NKAIN3: variants seen among roughly 807,000 people sequenced by gnomAD.
The protein encoded by NKAIN3 is sodium/potassium transporting ATPase interacting 3.
Under a neutral mutation model 30.2 loss-of-function variants are expected in NKAIN3, and 25 were observed. That is an observed-to-expected ratio of 0.83 (90% CI 0.60 to 1.16). The LOEUF (loss-of-function observed/expected upper bound fraction) is 1.16. NKAIN3 is among the 50% of genes most tolerant of loss of function. The probability of loss-of-function intolerance (pLI) is 0.00; values close to 1 mark genes in which losing one functional copy is unlikely to be tolerated. For synonymous variants in NKAIN3, 91 were observed against 89.6 expected, an observed-to-expected ratio of 1.02 and a Z score of -0.09; for missense variants, 225 against 254.1, an observed-to-expected ratio of 0.89 and a Z score of 0.78.
At chr8:62,353,032 G>T (rs1258977919) in intron 1 of NKAIN3, among the ~76,000 whole-genome samples, 1 of 152,128 alleles carries the variant, frequency 6.6e-6, no homozygotes, top group African/African-American at 2.4e-5. Flanking sequence ...CCAACAGTCT[G>T]CACTCCCAGA....
intron 1 of NKAIN3, among the ~76,000 whole-genome samples, chr8:62,519,339 A>C (rs28645735): frequency 0.033 from 5,006 of 152,222 alleles, 234 homozygotes; most frequent in African/African-American, 0.11. Context: ...CTGTTTATAC[A>C]GGCCAAATTC....
chr8:62,996,623 T>C (rs550601697), intron 5 of NKAIN3, among the ~76,000 whole-genome samples: 1 of 152,312 alleles, frequency 6.6e-6, no homozygotes, highest in East Asian at 1.9e-4. Context: ...CCCTTCCACC[T>C]ATGAGCCTGT....
intron 3 of NKAIN3, among the ~76,000 whole-genome samples, chr8:62,617,457 A>G (rs117174282): frequency 0.015 from 2,337 of 152,280 alleles, 39 homozygotes; most frequent in Non-Finnish European, 0.024. Flanking sequence ...ATAAAGTTAA[A>G]CCAGAATGAG....
At chr8:62,945,401 T>G (rs1002905) in intron 5 of NKAIN3, among the ~76,000 whole-genome samples, 21,282 of 152,180 alleles carry the variant, frequency 0.14, 1,902 homozygotes, top group East Asian at 0.27. Context: ...CAGCTACCTT[T>G]TTATTAGTAG....
At chr8:62,986,490 C>T (rs377672831), downstream of NKAIN3, among the ~76,000 whole-genome samples, 3 of 152,160 alleles carry the variant, frequency 2.0e-5, no homozygotes, top group East Asian at 5.8e-4. Context: ...GTCTCTTATT[C>T]AGCCTCTCAA....
At chr8:62,456,374 C>T (rs1337097470) in intron 1 of NKAIN3, among the ~76,000 whole-genome samples, 1 of 152,042 alleles carries the variant, frequency 6.6e-6, no homozygotes. Flanking sequence ...CAAAAATTAG[C>T]CAGGCGTGGT....
intron 1 of NKAIN3, among the ~76,000 whole-genome samples, chr8:62,345,599 A>G (rs1184161650): frequency 0.014 from 1,983 of 141,800 alleles, 214 homozygotes; most frequent in African/African-American, 0.055. Context: ...ACACATATAT[A>G]CACATATATG....
At position 62,968,613 on chromosome 8, in the gene NKAIN3, C is replaced by T. The variant is rs72656557; in HGVS notation, c.*3206C>T. Reference sequence around the variant, plus strand: ...GGCCCTGGCAAAACTGAAGATAGGACATCCACTGCTCTTTAGCTTCTAGTG... The same window carrying T: ...GGCCCTGGCAAAACTGAAGATAGGATATCCACTGCTCTTTAGCTTCTAGTG... On this transcript the variant is annotated 3_prime_UTR_variant, in exon 7 of 7. Transcript: ENST00000623646. 3.1e-3 allele frequency among the ~76,000 whole-genome samples: 471 copies of T among 152,310 alleles called. 3 individuals carry two copies. Among genetic ancestry groups the T allele is most frequent in the African/African-American group, 9.0e-3 (375 of 41,562 alleles).
At chr8:62,279,006 G>T (rs1025270541) in intron 1 of NKAIN3, among the ~76,000 whole-genome samples, 6 of 152,250 alleles carry the variant, frequency 3.9e-5, no homozygotes, top group East Asian at 3.9e-4. Context: ...CAGTGTAAAA[G>T]CTTTCCTATT....
At chr8:62,568,721 C>T (rs1809831535) in intron 1 of NKAIN3, among the ~76,000 whole-genome samples, 1 of 152,140 alleles carries the variant, frequency 6.6e-6, no homozygotes, top group Non-Finnish European at 1.5e-5. Flanking sequence ...TTTCTGAGAT[C>T]CCATATTGTT....
intron 1 of NKAIN3, among the ~76,000 whole-genome samples, chr8:62,425,262 G>T (rs1389862023): frequency 6.6e-6 from 1 of 151,802 alleles, no homozygotes; most frequent in Admixed American, 6.6e-5. Flanking sequence ...TTTGTTGAGG[G>T]TATGTCTCAT....
At chr8:62,964,922 G>A (rs1368244983) in intron 6 of NKAIN3, among the ~76,000 whole-genome samples, 3 of 152,182 alleles carry the variant, frequency 2.0e-5, no homozygotes, top group African/African-American at 7.2e-5. Flanking sequence ...GATGGGATGT[G>A]TGTAAGGAAC....
chr8:62,347,482 G>A (rs760130198), intron 1 of NKAIN3, among the ~76,000 whole-genome samples: 1 of 151,970 alleles, frequency 6.6e-6, no homozygotes, highest in Admixed American at 6.6e-5. Context: ...AGTTTCAAAG[G>A]CGTATCTTGA....
chr8:62,798,296 G>A (rs1419906323), intron 4 of NKAIN3, among the ~76,000 whole-genome samples: 1 of 152,148 alleles, frequency 6.6e-6, no homozygotes, highest in Non-Finnish European at 1.5e-5. Context: ...AATAGGCCAG[G>A]CGTGGTGGCT....
At chr8:62,841,082 T>A (rs1421572907) in intron 4 of NKAIN3, among the ~76,000 whole-genome samples, 1 of 152,082 alleles carries the variant, frequency 6.6e-6, no homozygotes, top group East Asian at 1.9e-4. Context: ...TATGTTATCT[T>A]ACATAGAACA....
intron 1 of NKAIN3, among the ~76,000 whole-genome samples, chr8:62,455,122 T>G (rs1805772537): frequency 6.6e-6 from 1 of 152,176 alleles, no homozygotes; most frequent in African/African-American, 2.4e-5. Context: ...GTAGAGAAAA[T>G]TCTGGGGGAT....
Position 62,831,176 on chromosome 8 carries a change from A to T in NKAIN3, c.471+84047A>T, listed in dbSNP as rs1004588838. ...GAAAAGCCAAAGACCCTACCCCAGC[A>T]TTCTCTACAGTCACACCTCCTAGGA... On this transcript the variant is annotated intron_variant, in intron 4 of 6. Transcript: ENST00000623646. Among the ~76,000 whole-genome samples the T allele has an allele frequency of 2.6e-5, 4 of 152,180 alleles. No individual in the cohort carries two copies. In the South Asian group the frequency reaches 8.3e-4, roughly 32 times the overall value.
At chr8:62,862,972 T>C (rs1563599276) in intron 4 of NKAIN3, 7 of 474,482 alleles carry the variant, frequency 1.5e-5, no homozygotes, top group Admixed American at 3.3e-5. Flanking sequence ...TATGCATATA[T>C]GTGTGTGCAT....
intron 3 of NKAIN3, among the ~76,000 whole-genome samples, chr8:62,736,253 G>A (rs116557632): frequency 2.6e-5 from 4 of 152,116 alleles, no homozygotes; most frequent in East Asian, 1.9e-4. Flanking sequence ...AGAGGATTAC[G>A]TCCTTTGTCT....
Sources: gnomAD v4.1 joint callset for allele counts (sites outside exome capture counted in the v4.1 genomes callset) on GRCh38, gnomAD v4.1.1 for gene constraint, MANE v1.5 for transcripts, NCBI Gene and HGNC (gene_info 2026-07-23, HGNC 2026-07-21) for gene names.